The following PROCA1 variants were observed in gnomAD, a reference collection of about 807,000 sequenced individuals.
PROCA1 encodes protein PROCA1.
PROCA1 carries 22 observed loss-of-function variants against 23.2 expected under a neutral mutation model. The ratio of observed to expected loss-of-function variants is 0.95; its 90% CI spans 0.68 to 1.35. PROCA1 has a LOEUF of 1.35. Ranked by LOEUF, PROCA1 falls within the 40% of genes most tolerant of loss-of-function variation. The pLI, the probability that PROCA1 is intolerant of heterozygous loss-of-function variation, is 0.00. For missense variants in PROCA1, 469 were observed against 459.8 expected, an observed-to-expected ratio of 1.02 and a Z score of -0.18; for synonymous variants, 182 against 179.2, an observed-to-expected ratio of 1.02 and a Z score of -0.12.
At position 28,710,798 on chromosome 17, in the gene PROCA1, G is replaced by A; in HGVS notation, c.91+772C>T. Reference sequence around the variant, plus strand: ...GAATGAGGAGGGTGATAGGGTGAAAGAAAGTGGGAGGCTTATGGCGTCTTT... The same window carrying A: ...GAATGAGGAGGGTGATAGGGTGAAAAAAAGTGGGAGGCTTATGGCGTCTTT... On this transcript the variant is annotated intron_variant, in intron 1 of 4. Coordinates refer to ENST00000682792, the MANE Select transcript of PROCA1 (RefSeq NM_001366301.1). 3 of 1,304,034 alleles carry A rather than the reference G, an allele frequency of 2.3e-6. No individual in the cohort carries two copies. The South Asian group carries it at 3.7e-5, about 16-fold the overall frequency. 80.8% of individuals were successfully genotyped at this position (1,304,034 alleles called of 1,614,324 possible).
Position 28,704,760 on chromosome 17 carries a change from C to G in PROCA1, c.259G>C (p.Val87Leu). The G allele has an allele frequency of 6.2e-7, 1 of 1,613,998 alleles. No individual in the cohort carries two copies. Among genetic ancestry groups the G allele is most frequent in the Non-Finnish European group, 8.5e-7 (1 of 1,179,920 alleles). The change falls in exon 3 of 5, where the codon GTC (valine) becomes CTC (leucine). Residue 87 changes from valine to leucine, a missense_variant. By Grantham distance (32) the Val-to-Leu change is conservative. Coordinates refer to ENST00000682792, the MANE Select transcript of PROCA1 (RefSeq NM_001366301.1). ...HIIYPFASDC[V>L]RHSLHLHSVN... ...GAGTGTAGGTGCAGGCTGTGGCGGA[C>G]ACAGTCAGAGGCGAAAGGGTAGATG...
At position 28,711,192 on chromosome 17, in the gene PROCA1, C is replaced by T. The variant is rs1046838142; in HGVS notation, c.91+378G>A. On this transcript the variant is annotated intron_variant, in intron 1 of 4. Coordinates refer to ENST00000682792, the MANE Select transcript of PROCA1 (RefSeq NM_001366301.1). ...TCGATGGAACCGCCCGCTCCCGCCC[C>T]GGCGTCCGGGTGGGCGCTGGTCCAC... The T allele has an allele frequency of 1.7e-5, 20 of 1,161,268 alleles. No homozygotes were observed. In the African/African-American group the frequency reaches 2.8e-4, roughly 17 times the overall value. 71.9% of individuals were successfully genotyped at this position (1,161,268 alleles called of 1,614,324 possible). A position where few individuals can be genotyped will look rare whatever the true frequency, so the allele number is the denominator to read the frequency against.
In PROCA1 at chr17:28,711,578, C is replaced by A. The variant is rs762193867; in HGVS notation, c.83G>T (p.Arg28Ile). 6.8e-6 allele frequency: 11 copies of A among 1,610,578 alleles called. No individual in the cohort carries two copies. Among genetic ancestry groups the A allele is most frequent in the Non-Finnish European group, 8.5e-6 (10 of 1,179,116 alleles). ...TGCCCCGCCCCTCTTACCGCGGCATCTGCTCTCATCCCACGAGCGGGCCTT... is the reference window on the plus strand; with the variant it reads ...TGCCCCGCCCCTCTTACCGCGGCATATGCTCTCATCCCACGAGCGGGCCTT... Reference protein sequence around the residue: ...EPKARSWDESRCRDVNRLPSW... With the variant: ...EPKARSWDESICRDVNRLPSW... Residue 28 changes from arginine (R) to isoleucine (I), a missense_variant, in exon 1 of 5, where the codon AGA (arginine) becomes ATA (isoleucine). Arg to Ile is a moderately conservative substitution (Grantham distance 97, BLOSUM62 -3). Transcript: ENST00000682792.
chr17:28,703,480 G>T lies in PROCA1; in HGVS notation c.*78C>A. The T allele has an allele frequency of 6.9e-7, 1 of 1,459,200 alleles. No individual in the cohort carries two copies. Among genetic ancestry groups the T allele is most frequent in the Non-Finnish European group, 9.3e-7 (1 of 1,074,262 alleles). The allele number at this position is 1,459,200 out of a possible 1,614,324, so 90.4% of individuals were successfully genotyped here. On this transcript the variant is annotated 3_prime_UTR_variant, in exon 5 of 5. Coordinates refer to ENST00000682792, the MANE Select transcript of PROCA1 (RefSeq NM_001366301.1). Reference sequence around the variant, plus strand: ...CCCCTTGCCCCGCAAGAAACAGCCAGGTTGGAGGGAGAGAACAGCAGCAGA... The same window carrying T: ...CCCCTTGCCCCGCAAGAAACAGCCATGTTGGAGGGAGAGAACAGCAGCAGA...
At position 28,711,868 on chromosome 17, in the gene PROCA1, C is replaced by T. The variant is rs2032803580; in HGVS notation, c.-208G>A. 2.0e-6 allele frequency: 1 copy of T among 493,190 alleles called. No individual in the cohort carries two copies. Among genetic ancestry groups the T allele is most frequent in the South Asian group, 3.0e-5 (1 of 33,014 alleles). 30.6% of individuals were successfully genotyped at this position (493,190 alleles called of 1,614,324 possible). ...CGTAGTCTTCCCAGCTGGGTCTCAG[C>T]GTCAGCCGCGTTCTTCATCCGGGGC... is the stretch of plus-strand genomic sequence containing the variant. On this transcript the variant is annotated 5_prime_UTR_variant, in exon 1 of 5. Coordinates refer to ENST00000682792, the MANE Select transcript of PROCA1 (RefSeq NM_001366301.1).
In PROCA1 at chr17:28,703,345, G is replaced by A; in HGVS notation, c.*213C>T. On this transcript the variant is annotated 3_prime_UTR_variant, in exon 5 of 5. Transcript: ENST00000682792. ...ACACTCTTCCACCTTGTCCTAGCAG[G>A]TAGGAAGAAATAGGGCTGTGCCCCT... 3.4e-6 allele frequency: 2 copies of A among 585,686 alleles called. No homozygotes were observed. Among genetic ancestry groups the A allele is most frequent in the Non-Finnish European group, 6.0e-6 (2 of 332,666 alleles). 36.3% of individuals were successfully genotyped at this position (585,686 alleles called of 1,614,324 possible).
intron 1 of PROCA1, among the ~76,000 whole-genome samples, chr17:28,710,022 T>C (rs2032706243): frequency 1.3e-5 from 2 of 151,820 alleles, no homozygotes; most frequent in African/African-American, 2.4e-5. Context: ...TGAGGCACAG[T>C]CACTTCCTAC....
chr17:28,711,721 CAGCCCGGCCG>C lies in PROCA1; in HGVS notation c.-71_-62del. 1 of 1,490,340 alleles carries C rather than the reference CAGCCCGGCCG, an allele frequency of 6.7e-7. No individual in the cohort carries two copies. Among genetic ancestry groups the C allele is most frequent in the Admixed American group, 1.9e-5 (1 of 51,912 alleles). 92.3% of individuals were successfully genotyped at this position (1,490,340 alleles called of 1,614,324 possible). ...TTGCGTGAAGTCCAACCCTGAGCCT[CAGCCCGGCCG>C]AGCCCTCGGCCCAGCCGTGAACTCC... On this transcript the variant is annotated 5_prime_UTR_variant, in exon 1 of 5. The change creates a premature stop within an existing upstream ORF in the 5' untranslated region. Coordinates refer to ENST00000682792, the MANE Select transcript of PROCA1 (RefSeq NM_001366301.1).
chr17:28,711,021 CTA>C, intron 1 of PROCA1: 1 of 619,972 alleles, frequency 1.6e-6, no homozygotes, highest in Non-Finnish European at 2.2e-6. Flanking sequence ...AGGGAAGAAA[CTA>C]GGAGAGGAAG....
intron 1 of PROCA1, chr17:28,711,257 G>C (rs1439604285): frequency 4.1e-6 from 3 of 723,328 alleles, no homozygotes; most frequent in Non-Finnish European, 5.9e-6. Flanking sequence ...GCAGCGGCCT[G>C]CGCCCGGTGC....
At chr17:28,708,730 G>GATAAAAAAAAA (rs1368224587) in intron 1 of PROCA1, among the ~76,000 whole-genome samples, 1 of 113,108 alleles carries the variant, frequency 8.8e-6, no homozygotes. Flanking sequence ...TCCAGAAAAA[G>GATAAAAAAAAA]GAAAAAAAAA....
rs1294114036 is a variant in PROCA1, at chr17:28,711,729, C to A, written c.-69G>T. On this transcript the variant is annotated 5_prime_UTR_variant, in exon 1 of 5. Transcript: ENST00000682792. ...AGTCCAACCCTGAGCCTCAGCCCGG[C>A]CGAGCCCTCGGCCCAGCCGTGAACT... is the stretch of plus-strand genomic sequence containing the variant. 6.3e-6 allele frequency: 9 copies of A among 1,421,566 alleles called. No homozygotes were observed. The highest frequency in any genetic ancestry group is 8.6e-6 in the Non-Finnish European group (9 of 1,043,998). The allele number at this position is 1,421,566 out of a possible 1,614,324, so 88.1% of individuals were successfully genotyped here. A position where few individuals can be genotyped will look rare whatever the true frequency, so the allele number is the denominator to read the frequency against.
chr17:28,710,841 C>G, intron 1 of PROCA1: 2 of 1,304,196 alleles, frequency 1.5e-6, no homozygotes, highest in Non-Finnish European at 2.0e-6. Flanking sequence ...AGGCGTTAAT[C>G]GGCGCACAAA....
chr17:28,711,559 G>GC lies in PROCA1; in HGVS notation c.91+10dup. 6.2e-7 allele frequency: 1 copy of GC among 1,604,202 alleles called. No individual in the cohort carries two copies. Among genetic ancestry groups the GC allele is most frequent in the Non-Finnish European group, 8.5e-7 (1 of 1,176,328 alleles). On this transcript the variant is annotated intron_variant, in intron 1 of 4. Coordinates refer to ENST00000682792, the MANE Select transcript of PROCA1 (RefSeq NM_001366301.1). ...GCGCCCTCTGCCCAGCCCCTGCCCC[G>GC]CCCCTCTTACCGCGGCATCTGCTCT...
At chr17:28,710,223 G>A (rs1279105267) in intron 1 of PROCA1, among the ~76,000 whole-genome samples, 1 of 151,962 alleles carries the variant, frequency 6.6e-6, no homozygotes, top group Non-Finnish European at 1.5e-5. Flanking sequence ...ACATGGCCAG[G>A]CGCGGTGGCT....
In PROCA1 at chr17:28,703,450, G is replaced by A; in HGVS notation, c.*108C>T. 2 of 1,202,428 alleles carry A rather than the reference G, an allele frequency of 1.7e-6. No homozygotes were observed. Among genetic ancestry groups the A allele is most frequent in the South Asian group, 1.5e-5 (1 of 68,888 alleles). 74.5% of individuals were successfully genotyped at this position (1,202,428 alleles called of 1,614,324 possible). ...CTTTGAGAAACCCCTGCAGCCCTGAGCCCACCCCTTGCCCCGCAAGAAACA... is the reference window on the plus strand; with the variant it reads ...CTTTGAGAAACCCCTGCAGCCCTGAACCCACCCCTTGCCCCGCAAGAAACA... On this transcript the variant is annotated 3_prime_UTR_variant, in exon 5 of 5. Coordinates refer to ENST00000682792, the MANE Select transcript of PROCA1 (RefSeq NM_001366301.1).
chr17:28,707,098 T>C, intron 1 of PROCA1: 1 of 293,346 alleles, frequency 3.4e-6, no homozygotes, highest in South Asian at 3.1e-5. Context: ...GGAAGGAGCA[T>C]CACTAGAGTT....
intron 1 of PROCA1, among the ~76,000 whole-genome samples, chr17:28,708,256 C>T (rs1322887515): frequency 2.0e-5 from 3 of 152,162 alleles, no homozygotes; most frequent in East Asian, 3.9e-4. Context: ...GATCCGCCCT[C>T]GGCCTCCCAA....
Position 28,703,408 on chromosome 17 carries a change from T to C in PROCA1, c.*150A>G. The C allele has an allele frequency of 1.3e-6, 1 of 788,944 alleles. No homozygotes were observed. The allele number at this position is 788,944 out of a possible 1,614,324, so 48.9% of individuals were successfully genotyped here. A position where few individuals can be genotyped will look rare whatever the true frequency, so the allele number is the denominator to read the frequency against. ...CACCTGCCTTCCCATGGGCTTCCTTTGTGAAAGCTGGATTGCCTTTGAGAA... is the reference window on the plus strand; with the variant it reads ...CACCTGCCTTCCCATGGGCTTCCTTCGTGAAAGCTGGATTGCCTTTGAGAA... On this transcript the variant is annotated 3_prime_UTR_variant, in exon 5 of 5. Coordinates refer to ENST00000682792, the MANE Select transcript of PROCA1 (RefSeq NM_001366301.1).
Sources: gnomAD v4.1 joint callset for allele counts (sites outside exome capture counted in the v4.1 genomes callset) on GRCh38, gnomAD v4.1.1 for gene constraint, MANE v1.5 for transcripts, NCBI Gene and HGNC (gene_info 2026-07-23, HGNC 2026-07-21) for gene names.